PPP4R2: variants seen among roughly 807,000 people sequenced by gnomAD.
PPP4R2 encodes protein phosphatase 4 regulatory subunit 2.
PPP4R2 carries 13 observed loss-of-function variants against 47.2 expected under a neutral mutation model. The observed-to-expected ratio is 0.28, with a 90% CI of 0.18 to 0.44. The LOEUF (loss-of-function observed/expected upper bound fraction) is 0.44, where lower values mean the gene tolerates loss of function less well. Among genes scored for constraint, PPP4R2 ranks in the 20% least tolerant of loss-of-function variants. The pLI is 1.00. For missense variants in PPP4R2, 421 were observed against 491.2 expected (o/e 0.86, Z 1.35); for synonymous variants, 151 against 163.3 (o/e 0.92, Z 0.57).
intron 5 of PPP4R2, chr3:73,063,318 TAAAA>T (rs534798966): frequency 4.2e-4 from 39 of 92,170 alleles, no homozygotes; most frequent in African/African-American, 1.3e-3. Context: ...TCTCATTATT[TAAAA>T]AAAAAAAAAA....
chr3:73,056,841 C>A (rs1314636033), intron 3 of PPP4R2, among the ~76,000 whole-genome samples: 1 of 152,086 alleles, frequency 6.6e-6, no homozygotes, highest in African/African-American at 2.4e-5. Flanking sequence ...TTAAAATATT[C>A]ATCTGTTAAA....
chr3:73,044,020 C>T (rs1199527090), intron 2 of PPP4R2, among the ~76,000 whole-genome samples: 2 of 152,186 alleles, frequency 1.3e-5, no homozygotes, highest in Non-Finnish European at 2.9e-5. Context: ...GCTTATTTCA[C>T]TTTGCATAAT....
intron 5 of PPP4R2, chr3:73,063,378 CTT>C (rs1702915490): frequency 4.1e-6 from 1 of 242,966 alleles, no homozygotes; most frequent in Admixed American, 5.4e-5. Flanking sequence ...AATCCCAGCA[CTT>C]TGGGAGGCCG....
chr3:73,047,909 C>T (rs1369674736), intron 3 of PPP4R2, among the ~76,000 whole-genome samples: 1 of 152,188 alleles, frequency 6.6e-6, no homozygotes, highest in Non-Finnish European at 1.5e-5. Flanking sequence ...AGGTGTCTCG[C>T]TCTGTCACCT....
intron 2 of PPP4R2, among the ~76,000 whole-genome samples, chr3:73,033,784 G>A (rs1198767757): frequency 1.3e-5 from 2 of 152,082 alleles, no homozygotes; most frequent in African/African-American, 4.8e-5. Context: ...AAAATATTTC[G>A]TGTCTGGCTT....
chr3:73,060,953 A>G, intron 4 of PPP4R2, 70 bp from the exon 5 acceptor site: 1 of 1,108,194 alleles, frequency 9.0e-7, no homozygotes, highest in South Asian at 1.6e-5. Context: ...TGATTTTAGA[A>G]ACAAAAATGA....
chr3:73,003,119 T>A (rs200461600), intron 2 of PPP4R2, among the ~76,000 whole-genome samples: 1 of 34,414 alleles, frequency 2.9e-5, no homozygotes, highest in Non-Finnish European at 6.2e-5. Flanking sequence ...GAATGTTAAA[T>A]TTTTTTTTTT....
chr3:73,030,949 G>A (rs967004178), intron 2 of PPP4R2, among the ~76,000 whole-genome samples: 2 of 151,896 alleles, frequency 1.3e-5, no homozygotes, highest in Non-Finnish European at 2.9e-5. Context: ...TGATCTGCCC[G>A]CCTCGGCCTC....
intron 2 of PPP4R2, among the ~76,000 whole-genome samples, chr3:73,036,052 A>G (rs1304898553): frequency 1.3e-5 from 2 of 152,236 alleles, no homozygotes; most frequent in Non-Finnish European, 2.9e-5. Context: ...AATACAGTCC[A>G]ATTCAGATAT....
chr3:73,001,699 C>T (rs547288418), intron 2 of PPP4R2, among the ~76,000 whole-genome samples: 8 of 152,140 alleles, frequency 5.3e-5, no homozygotes, highest in Admixed American at 6.5e-5. Context: ...ATCGTAGTGG[C>T]GCGATCTCGG....
intron 3 of PPP4R2, among the ~76,000 whole-genome samples, chr3:73,049,601 G>A (rs1254084741): frequency 6.6e-6 from 1 of 151,868 alleles, no homozygotes; most frequent in African/African-American, 2.4e-5. Flanking sequence ...AATTATGGCC[G>A]TCATTCAAAA....
intron 2 of PPP4R2, among the ~76,000 whole-genome samples, chr3:73,030,056 A>T (rs1325143776): frequency 6.6e-6 from 1 of 152,174 alleles, no homozygotes; most frequent in Admixed American, 6.5e-5. Flanking sequence ...AAGCACAGCA[A>T]ATTTTTAAAT....
chr3:73,034,301 T>C (rs1702222790), intron 2 of PPP4R2, among the ~76,000 whole-genome samples: 1 of 152,216 alleles, frequency 6.6e-6, no homozygotes, highest in South Asian at 2.1e-4. Flanking sequence ...AGTTTTGTTT[T>C]ATTTTAACTC....
At chr3:73,061,796 C>A (rs190979) in intron 5 of PPP4R2, 2 of 337,756 alleles carry the variant, frequency 5.9e-6, no homozygotes, top group Non-Finnish European at 1.1e-5. Flanking sequence ...GCCTTAAACT[C>A]TAGTGATCCT....
At chr3:73,037,014 A>G (rs76391990) in intron 2 of PPP4R2, among the ~76,000 whole-genome samples, 2,803 of 152,258 alleles carry the variant, frequency 0.018, 89 homozygotes, top group African/African-American at 0.063. Context: ...TTAAGCTTTA[A>G]TCATTTACAT....
chr3:72,997,965 T>G (rs1701384212), intron 1 of PPP4R2, 112 bp from the exon 2 acceptor site: 3 of 775,086 alleles, frequency 3.9e-6, no homozygotes, highest in African/African-American at 1.8e-5. Flanking sequence ...GGCCTTATTT[T>G]TTTAATTTTG....
At position 73,037,561 on chromosome 3, in the gene PPP4R2, A is replaced by C. The variant is rs560654394; in HGVS notation, c.117-9625A>C. Among the ~76,000 whole-genome samples, 4 of 152,270 alleles carry C rather than the reference A, an allele frequency of 2.6e-5. No individual in the cohort carries two copies. The South Asian group carries it at 8.3e-4, about 32-fold the overall frequency. On this transcript the variant is annotated intron_variant, in intron 2 of 8. Transcript: ENST00000356692. ...CTGCTAGATAGAGGTCAGGGATGCA[A>C]ATATCCTACAGTGCACACAGACAGC...
At chr3:73,054,018 A>G (rs7629074) in intron 3 of PPP4R2, among the ~76,000 whole-genome samples, 79,643 of 151,448 alleles carry the variant, frequency 0.53, 21,250 homozygotes, top group African/African-American at 0.61. Context: ...CTGGGTTTAA[A>G]CAATTCTCCT....
chr3:73,019,375 T>C (rs1701914100), intron 2 of PPP4R2, among the ~76,000 whole-genome samples: 1 of 152,148 alleles, frequency 6.6e-6, no homozygotes, highest in Admixed American at 6.5e-5. Context: ...TATTATTTTA[T>C]TTATTTATTT....
Sources: gnomAD v4.1 joint callset for allele counts (sites outside exome capture counted in the v4.1 genomes callset) on GRCh38, gnomAD v4.1.1 for gene constraint, MANE v1.5 for transcripts, NCBI Gene and HGNC (gene_info 2026-07-23, HGNC 2026-07-21) for gene names.